The following MDFIC variants were observed in gnomAD, a reference collection of about 807,000 sequenced individuals.
MDFIC encodes the protein myoD family inhibitor domain-containing protein.
A neutral mutation model predicts 23.2 loss-of-function variants in MDFIC; 17 were observed. The observed-to-expected ratio is 0.73, with a 90% CI of 0.50 to 1.10. The LOEUF is 1.10. Ranked by LOEUF, MDFIC falls within the 50% of genes least tolerant of loss-of-function variation. The probability of loss-of-function intolerance (pLI) is 0.00; values close to 1 mark genes in which losing one functional copy is unlikely to be tolerated. For synonymous variants in MDFIC, 120 were observed against 115.2 expected, an observed-to-expected ratio of 1.04 and a Z score of -0.27; for missense variants, 356 against 316.6, an observed-to-expected ratio of 1.12 and a Z score of -0.95.
intron 4 of MDFIC, among the ~76,000 whole-genome samples, chr7:115,008,293 G>A (rs1791612260): frequency 6.6e-6 from 1 of 150,984 alleles, no homozygotes; most frequent in Non-Finnish European, 1.5e-5. Context: ...TGGGAGGGCA[G>A]TGCTGTTTTT....
intron 4 of MDFIC, among the ~76,000 whole-genome samples, chr7:114,993,490 T>C (rs897000801): frequency 2.6e-5 from 4 of 152,224 alleles, no homozygotes. Context: ...GGGCATTTAG[T>C]GTTATAAATT....
At chr7:114,944,550 T>A (rs1229907254) in intron 3 of MDFIC, among the ~76,000 whole-genome samples, 2 of 152,190 alleles carry the variant, frequency 1.3e-5, no homozygotes, top group East Asian at 3.8e-4. Context: ...GGATAGCATT[T>A]GAAAGTTTTG....
chr7:114,946,163 A>G (rs1359056477), intron 3 of MDFIC, among the ~76,000 whole-genome samples: 1 of 152,190 alleles, frequency 6.6e-6, no homozygotes, highest in African/African-American at 2.4e-5. Flanking sequence ...GAAAAGGAAC[A>G]GAAGCAACAG....
In MDFIC at chr7:115,015,783, T is replaced by C; in HGVS notation, c.589T>C (p.Ser197Pro). 6.2e-7 allele frequency: 1 copy of C among 1,614,218 alleles called. No homozygotes were observed. The highest frequency in any genetic ancestry group is 1.1e-5 in the South Asian group (1 of 91,082). The change falls in exon 5 of 5, where the codon TCA (serine) becomes CCA (proline). Residue 197 changes from serine (S) to proline (P), a missense_variant. Transcript: ENST00000393486. ...ACAAGCGTCATGTGGCATCTGCACC[T>C]CAGAAGCCTGCTGCTGTTGCTGTGG... ...LGQASCGICT[S>P]EACCCCCGDE...
rs546022134 is a variant in MDFIC at position 115,019,799 on chromosome 7, A to C, written c.*3864A>C. Reference sequence around the variant, plus strand: ...TGTTTTAAACAATGGTTAATATATTAATAGGGTTTGTTCCACACTTACTAT... The same window carrying C: ...TGTTTTAAACAATGGTTAATATATTCATAGGGTTTGTTCCACACTTACTAT... On this transcript the variant is annotated 3_prime_UTR_variant, in exon 5 of 5. Transcript: ENST00000393486. Among the ~76,000 whole-genome samples, 3 of 152,256 alleles carry C rather than the reference A, an allele frequency of 2.0e-5. No individual in the cohort carries two copies. In the South Asian group the frequency reaches 6.2e-4, roughly 32 times the overall value.
At chr7:114,935,505 A>G (rs376816871) in intron 2 of MDFIC, among the ~76,000 whole-genome samples, 4 of 145,922 alleles carry the variant, frequency 2.7e-5, no homozygotes, top group Non-Finnish European at 6.0e-5. Context: ...AGTATGGGTA[A>G]CAAGTAGAAA....
intron 2 of MDFIC, among the ~76,000 whole-genome samples, chr7:114,937,449 C>A (rs1351586030): frequency 1.3e-5 from 2 of 152,322 alleles, no homozygotes; most frequent in Admixed American, 6.5e-5. Flanking sequence ...AAACACTCTT[C>A]CTTGTGTATA....
At chr7:114,979,281 C>T (rs962581635) in intron 3 of MDFIC, among the ~76,000 whole-genome samples, 2 of 152,170 alleles carry the variant, frequency 1.3e-5, no homozygotes, top group South Asian at 4.2e-4. Context: ...CTTTTTATAT[C>T]CTTGTACAAA....
Position 114,922,793 on chromosome 7 carries a change from G to C in MDFIC, c.-107-134G>C, listed in dbSNP as rs114519329. 7.0e-5 allele frequency: 92 copies of C among 1,311,884 alleles called. No individual in the cohort carries two copies. In the African/African-American group the frequency reaches 1.3e-3, roughly 19 times the overall value. 81.3% of individuals were successfully genotyped at this position (1,311,884 alleles called of 1,614,324 possible). On this transcript the variant is annotated intron_variant, in intron 1 of 4. Coordinates refer to ENST00000393486, the MANE Select transcript of MDFIC (RefSeq NM_001166345.3). ...AACTTGCGCTGTAACAGTTTTCTTC[G>C]CAAGTTTCAAATCAAAACTTCCCCG...
At chr7:115,013,955 CTGTTTT>C in intron 4 of MDFIC, 1 of 980,310 alleles carries the variant, frequency 1.0e-6, no homozygotes. Context: ...TCTCACAACT[CTGTTTT>C]TGTTTTTGTT....
intron 4 of MDFIC, chr7:115,014,472 A>G: frequency 7.8e-7 from 1 of 1,289,720 alleles, no homozygotes; most frequent in South Asian, 1.2e-5. Context: ...GTTTGCTGAC[A>G]CTCCATCGAA....
rs148974853 is a variant in MDFIC, at chr7:114,948,964, T to C, written c.217+6567T>C. 1.1e-4 allele frequency among the ~76,000 whole-genome samples: 17 copies of C among 152,332 alleles called. No homozygotes were observed. The East Asian group carries it at 3.3e-3, about 29-fold the overall frequency. ...GTGTTTCCTCCAAACAAAGCTTCTT[T>C]TTGTGTTTTTCTAGATACTTTCCAT... On this transcript the variant is annotated intron_variant, in intron 3 of 4. Transcript: ENST00000393486.
chr7:114,949,178 T>C (rs894748957), intron 3 of MDFIC, among the ~76,000 whole-genome samples: 1 of 152,206 alleles, frequency 6.6e-6, no homozygotes, highest in African/African-American at 2.4e-5. Context: ...GTAATCTATA[T>C]CCTACTTCTT....
At position 115,018,144 on chromosome 7, in the gene MDFIC, C is replaced by T. The variant is rs768923034; in HGVS notation, c.*2209C>T. The T allele has an allele frequency of 6.6e-6, 1 of 151,908 alleles. No individual in the cohort carries two copies. Among genetic ancestry groups the T allele is most frequent in the Non-Finnish European group, 1.5e-5 (1 of 67,844 alleles). 9.4% of individuals were successfully genotyped at this position (151,908 alleles called of 1,614,324 possible). ...TCTAAAGAACTTAATTCATTTGTTACATAAAATATAAGGAAATCTTTATAC... is the reference window on the plus strand; with the variant it reads ...TCTAAAGAACTTAATTCATTTGTTATATAAAATATAAGGAAATCTTTATAC... On this transcript the variant is annotated 3_prime_UTR_variant, in exon 5 of 5. Transcript: ENST00000393486.
intron 4 of MDFIC, among the ~76,000 whole-genome samples, chr7:114,981,090 C>T (rs534124582): frequency 1.4e-4 from 21 of 152,262 alleles, no homozygotes; most frequent in Non-Finnish European, 2.9e-4. Flanking sequence ...ACTAAACTGG[C>T]TCTCCAAGGA....
intron 3 of MDFIC, among the ~76,000 whole-genome samples, chr7:114,957,340 A>G (rs1792903142): frequency 6.6e-6 from 1 of 152,106 alleles, no homozygotes; most frequent in African/African-American, 2.4e-5. Flanking sequence ...AATTGGAGTA[A>G]GCTGTGTTTT....
intron 4 of MDFIC, among the ~76,000 whole-genome samples, chr7:114,995,580 G>T (rs540459710): frequency 6.6e-6 from 1 of 152,340 alleles, no homozygotes; most frequent in South Asian, 2.1e-4. Context: ...ACCCTCAGCT[G>T]CAGGTCTGTT....
rs569603339 is a variant in MDFIC at position 115,014,475 on chromosome 7, C to G, written c.494-1213C>G. On this transcript the variant is annotated intron_variant, in intron 4 of 4. Transcript: ENST00000393486. ...CTTTGGTTTTCAGTTTGCTGACACT[C>G]CATCGAAGGCACTTAATTTTAATGC... is the stretch of plus-strand genomic sequence containing the variant. 5.4e-6 allele frequency: 7 copies of G among 1,289,626 alleles called. No individual in the cohort carries two copies. The Admixed American group carries it at 1.4e-4, about 25-fold the overall frequency. The allele number at this position is 1,289,626 out of a possible 1,614,324, so 79.9% of individuals were successfully genotyped here.
intron 4 of MDFIC, among the ~76,000 whole-genome samples, chr7:114,997,614 G>C (rs1197222253): frequency 2.0e-5 from 3 of 151,246 alleles, no homozygotes; most frequent in Non-Finnish European, 4.4e-5. Context: ...GTGGTGCTGC[G>C]TGCCTGTGGT....
Sources: gnomAD v4.1 joint callset for allele counts (sites outside exome capture counted in the v4.1 genomes callset) on GRCh38, gnomAD v4.1.1 for gene constraint, MANE v1.5 for transcripts, NCBI Gene and HGNC (gene_info 2026-07-23, HGNC 2026-07-21) for gene names.